VEPH1: variants seen among roughly 807,000 people sequenced by gnomAD.
The protein encoded by VEPH1 is ventricular zone-expressed PH domain-containing protein homolog 1.
Under a neutral mutation model 85.2 loss-of-function variants are expected in VEPH1, and 80 were observed. That is an observed-to-expected ratio of 0.94 (90% CI 0.78 to 1.13). The LOEUF is 1.13. Ranked by LOEUF, VEPH1 falls within the 50% of genes most tolerant of loss-of-function variation. The probability of loss-of-function intolerance (pLI) is 0.00; values close to 1 mark genes in which losing one functional copy is unlikely to be tolerated. For synonymous variants in VEPH1, 297 were observed against 348.0 expected, an observed-to-expected ratio of 0.85 and a Z score of 1.63; for missense variants, 955 against 980.5, an observed-to-expected ratio of 0.97 and a Z score of 0.35.
At chr3:157,461,322 C>T (rs1577712380) in intron 3 of VEPH1, among the ~76,000 whole-genome samples, 1 of 152,194 alleles carries the variant, frequency 6.6e-6, no homozygotes, top group Non-Finnish European at 1.5e-5. Context: ...TACATATTCA[C>T]TACACCTGGC....
intron 3 of VEPH1, among the ~76,000 whole-genome samples, chr3:157,469,334 A>C (rs548179030): frequency 1.3e-3 from 198 of 152,364 alleles, no homozygotes; most frequent in Non-Finnish European, 2.3e-3. Context: ...AAAAAAAGGA[A>C]GAAGAATAAA....
At chr3:157,373,667 C>G (rs1727760598) in intron 7 of VEPH1, among the ~76,000 whole-genome samples, 1 of 152,304 alleles carries the variant, frequency 6.6e-6, no homozygotes, top group African/African-American at 2.4e-5. Context: ...CTTACCTCTT[C>G]TCCCACAAAC....
chr3:157,387,131 T>C (rs1427935981), intron 6 of VEPH1, among the ~76,000 whole-genome samples: 1 of 152,234 alleles, frequency 6.6e-6, no homozygotes, highest in African/African-American at 2.4e-5. Context: ...GGCAGTAATT[T>C]GTTGACCCCT....
intron 4 of VEPH1, chr3:157,437,888 G>C: frequency 6.6e-7 from 1 of 1,520,214 alleles, no homozygotes; most frequent in Non-Finnish European, 8.8e-7. Context: ...GTGCAGGGCT[G>C]GGCTGCCCGG....
At chr3:157,262,557 A>G (rs1439079943) in intron 13 of VEPH1, among the ~76,000 whole-genome samples, 1 of 152,242 alleles carries the variant, frequency 6.6e-6, no homozygotes, top group Non-Finnish European at 1.5e-5. Flanking sequence ...AAAAAGAGAA[A>G]CAATGTGAAC....
At chr3:157,438,057 A>ACC in intron 4 of VEPH1, 1 of 744,654 alleles carries the variant, frequency 1.3e-6, no homozygotes, top group Non-Finnish European at 2.1e-6. Context: ...ACACACACAC[A>ACC]CACACACACA....
chr3:157,269,694 G>A (rs185765722), intron 12 of VEPH1, among the ~76,000 whole-genome samples: 6 of 141,328 alleles, frequency 4.2e-5, no homozygotes, highest in Admixed American at 7.5e-5. Context: ...GGCTGGGGAC[G>A]TGTCATTTTA....
At chr3:157,403,871 A>G (rs1045220505) in intron 6 of VEPH1, among the ~76,000 whole-genome samples, 10 of 152,118 alleles carry the variant, frequency 6.6e-5, no homozygotes, top group Non-Finnish European at 1.3e-4. Flanking sequence ...TAGCAGATAA[A>G]TCCTGTAGGG....
chr3:157,324,300 C>T (rs999082469), intron 9 of VEPH1, among the ~76,000 whole-genome samples: 4 of 152,010 alleles, frequency 2.6e-5, no homozygotes, highest in East Asian at 1.9e-4. Flanking sequence ...TCAGGTGATC[C>T]GCCCACCTCA....
intron 12 of VEPH1, among the ~76,000 whole-genome samples, chr3:157,281,291 TTTTTA>T (rs1385884862): frequency 6.6e-6 from 1 of 152,132 alleles, no homozygotes; most frequent in African/African-American, 2.4e-5. Flanking sequence ...TGTAAGTGTG[TTTTTA>T]TTTTGTCTTT....
chr3:157,332,524 A>G (rs535384968), intron 9 of VEPH1, among the ~76,000 whole-genome samples: 2 of 152,310 alleles, frequency 1.3e-5, no homozygotes, highest in African/African-American at 4.8e-5. Context: ...TCTTTCACTT[A>G]TTATGATGTT....
At chr3:157,316,604 T>C (rs1404714583) in intron 10 of VEPH1, among the ~76,000 whole-genome samples, 1 of 151,584 alleles carries the variant, frequency 6.6e-6, no homozygotes, top group Non-Finnish European at 1.5e-5. Flanking sequence ...AAGTTGTAAG[T>C]TGCTCTTTAC....
intron 6 of VEPH1, among the ~76,000 whole-genome samples, chr3:157,390,166 A>G (rs896004627): frequency 6.6e-6 from 1 of 152,232 alleles, no homozygotes; most frequent in Non-Finnish European, 1.5e-5. Context: ...TAGCACTGGC[A>G]TATGCTGAAA....
intron 2 of VEPH1, among the ~76,000 whole-genome samples, chr3:157,479,138 A>G (rs187624241): frequency 1.3e-5 from 2 of 152,294 alleles, no homozygotes; most frequent in Admixed American, 1.3e-4. Context: ...TCCAGAAAAT[A>G]TCATGTTCTT....
intron 12 of VEPH1, among the ~76,000 whole-genome samples, chr3:157,281,152 G>A (rs929059042): frequency 2.0e-5 from 3 of 151,216 alleles, no homozygotes; most frequent in Admixed American, 2.0e-4. Context: ...GAGGGAGAGA[G>A]AAATGAGAGT....
At chr3:157,364,605 A>G in intron 7 of VEPH1, 93 bp from the exon 8 acceptor site, 1 of 1,229,210 alleles carries the variant, frequency 8.1e-7, no homozygotes, top group East Asian at 2.4e-5. Flanking sequence ...ACTCAGAAGC[A>G]AAAGCTTTGC....
intron 12 of VEPH1, among the ~76,000 whole-genome samples, chr3:157,277,744 CAT>C (rs1715578637): frequency 6.6e-6 from 1 of 152,078 alleles, no homozygotes; most frequent in Non-Finnish European, 1.5e-5. Context: ...TTTTAATACA[CAT>C]ATATATGAAT....
intron 4 of VEPH1, among the ~76,000 whole-genome samples, chr3:157,453,614 A>C (rs1358971718): frequency 1.3e-5 from 2 of 152,340 alleles, no homozygotes; most frequent in East Asian, 1.9e-4. Context: ...GTGTACTGCA[A>C]GGCAATGAAG....
chr3:157,263,711 C>A (rs1713223770), intron 13 of VEPH1, among the ~76,000 whole-genome samples: 2 of 152,054 alleles, frequency 1.3e-5, no homozygotes, highest in South Asian at 4.1e-4. Flanking sequence ...CAGTAGGTAT[C>A]ACAAAAAATA....
Sources: allele counts gnomAD v4.1 joint callset (sites outside exome capture counted in the v4.1 genomes callset), GRCh38; gene constraint gnomAD v4.1.1; transcripts MANE v1.5; gene names NCBI Gene and HGNC (gene_info 2026-07-23, HGNC 2026-07-21).